Variants in CBL observed in about 807,000 individuals in gnomAD.
The protein encoded by CBL is E3 ubiquitin-protein ligase CBL.
Under a neutral mutation model 96.9 loss-of-function variants are expected in CBL, and 45 were observed. That is an observed-to-expected ratio of 0.46 (90% CI 0.37 to 0.60). The LOEUF is 0.60. Ranked by LOEUF, CBL falls within the 20% of genes least tolerant of loss-of-function variation. The pLI, the probability that CBL is intolerant of heterozygous loss-of-function variation, is 0.00. For synonymous variants in CBL, 420 were observed against 426.8 expected (o/e 0.98, Z 0.20); for missense variants, 1,024 against 1,143.5 (o/e 0.90, Z 1.51).
chr11:119,285,003 C>CACA lies in CBL; in HGVS notation c.1468_1470dup (p.Gln490dup), dbSNP rs774539129. On this transcript the variant is annotated inframe_insertion, in exon 10 of 16. Coordinates refer to ENST00000264033, the MANE Select transcript of CBL (RefSeq NM_005188.4). ...CCGCCTTCTCCATTCTCCATGGCCC[C>CACA]ACAAGCTTCCCTTCCCCCGGTGCCA... 1 of 1,614,152 alleles carries CACA rather than the reference C, an allele frequency of 6.2e-7. No homozygotes were observed. The highest frequency in any genetic ancestry group is 1.1e-5 in the South Asian group (1 of 91,082).
chr11:119,282,064 G>A (rs1949939401), intron 9 of CBL, among the ~76,000 whole-genome samples: 1 of 152,128 alleles, frequency 6.6e-6, no homozygotes, highest in Admixed American at 6.5e-5. Flanking sequence ...GCGGCCGGGT[G>A]CGGTGGCTCA....
At chr11:119,286,497 A>G (rs1949985463) in intron 11 of CBL, among the ~76,000 whole-genome samples, 1 of 152,202 alleles carries the variant, frequency 6.6e-6, no homozygotes, top group East Asian at 1.9e-4. Context: ...TTTCTTTGGA[A>G]AGTGGATACG....
Position 119,278,529 on chromosome 11 carries a change from G to C in CBL, c.1247G>C (p.Cys416Ser), listed in dbSNP as rs757456261. ...TSWQESEGQG[C>S]PFCRCEIKGT... is the part of the protein sequence containing the mutation. ...CTGCAGGAATCAGAAGGTCAGGGCT[G>C]TCCTTTCTGCCGATGTGAAATTAAA... The change falls in exon 9 of 16, where the codon TGT (cysteine) becomes TCT (serine). Residue 416 changes from cysteine (C) to serine (S), a missense_variant. This residue lies in a region of CBL where 695 missense variants were observed against 661.6 expected (regional missense o/e 1.05). Coordinates refer to ENST00000264033, the MANE Select transcript of CBL (RefSeq NM_005188.4). 1.2e-6 allele frequency: 2 copies of C among 1,614,138 alleles called. No homozygotes were observed. Among genetic ancestry groups the C allele is most frequent in the Non-Finnish European group, 1.7e-6 (2 of 1,179,998 alleles).
Position 119,302,879 on chromosome 11 carries a change from A to G in CBL, c.*3098A>G, listed in dbSNP as rs1233223514. ...CTCTTCCACTTGCTCGTCTCCCCCC[A>G]GCCCCATTCTGCATAATCTACCATT... On this transcript the variant is annotated 3_prime_UTR_variant, in exon 16 of 16. Transcript: ENST00000264033. The G allele has an allele frequency of 4.3e-6, 1 of 230,692 alleles. No individual in the cohort carries two copies. Among genetic ancestry groups the G allele is most frequent in the Non-Finnish European group, 8.6e-6 (1 of 116,598 alleles). The allele number at this position is 230,692 out of a possible 1,614,324, so 14.3% of individuals were successfully genotyped here.
At chr11:119,211,869 C>T (rs937071860) in intron 1 of CBL, among the ~76,000 whole-genome samples, 2 of 152,038 alleles carry the variant, frequency 1.3e-5, no homozygotes, top group Non-Finnish European at 2.9e-5. Flanking sequence ...TTAATTTGCC[C>T]ACTCCTGAAG....
chr11:119,276,223 A>G, intron 6 of CBL, 89 bp downstream of exon 6: 1 of 1,306,830 alleles, frequency 7.7e-7, no homozygotes, highest in Non-Finnish European at 1.1e-6. Flanking sequence ...CAGGTTTCTT[A>G]AACTGCAGAC....
rs1179605867 is a variant in CBL, at chr11:119,300,785, C to T, written c.*1004C>T. The T allele has an allele frequency of 2.6e-6, 1 of 385,640 alleles. No homozygotes were observed. Among genetic ancestry groups the T allele is most frequent in the Non-Finnish European group, 4.6e-6 (1 of 218,112 alleles). The allele number at this position is 385,640 out of a possible 1,614,324, so 23.9% of individuals were successfully genotyped here. A position where few individuals can be genotyped will look rare whatever the true frequency, so the allele number is the denominator to read the frequency against. ...CTGATGTAGGTCATGAGTCTTTCTA[C>T]TTAATGGGAAGGGAAGAACATTTGT... On this transcript the variant is annotated 3_prime_UTR_variant, in exon 16 of 16. Coordinates refer to ENST00000264033, the MANE Select transcript of CBL (RefSeq NM_005188.4).
At chr11:119,238,683 T>G (rs1280644916) in intron 2 of CBL, among the ~76,000 whole-genome samples, 1 of 151,980 alleles carries the variant, frequency 6.6e-6, no homozygotes, top group African/African-American at 2.4e-5. Flanking sequence ...TACAAAAAAT[T>G]AGCCAGGTGT....
chr11:119,253,415 C>T (rs376511066), intron 2 of CBL, among the ~76,000 whole-genome samples: 3 of 134,206 alleles, frequency 2.2e-5, no homozygotes, highest in Non-Finnish European at 3.1e-5. Context: ...CCCAGGAGTT[C>T]GATCCAGCCT....
intron 1 of CBL, among the ~76,000 whole-genome samples, chr11:119,214,135 G>A (rs11217187): frequency 0.031 from 4,716 of 152,024 alleles, 259 homozygotes; most frequent in African/African-American, 0.11. Context: ...AGTAGAGACA[G>A]GGTTTCACTA....
At chr11:119,276,467 C>A (rs1041923366) in intron 6 of CBL, among the ~76,000 whole-genome samples, 1 of 152,192 alleles carries the variant, frequency 6.6e-6, no homozygotes, top group Admixed American at 6.5e-5. Flanking sequence ...AACTAGTCGG[C>A]ATTCAAGTGA....
chr11:119,272,810 A>G (rs980745287), intron 3 of CBL, among the ~76,000 whole-genome samples: 2 of 151,964 alleles, frequency 1.3e-5, no homozygotes, highest in African/African-American at 4.8e-5. Flanking sequence ...TTCTGTTATT[A>G]TAGGTTACTA....
intron 2 of CBL, among the ~76,000 whole-genome samples, chr11:119,256,228 G>C (rs147048233): frequency 0.02 from 2,932 of 145,922 alleles, 45 homozygotes; most frequent in South Asian, 0.03. Context: ...GTCTCGCTCT[G>C]TCGCCCAGGT....
intron 11 of CBL, among the ~76,000 whole-genome samples, chr11:119,285,861 A>G (rs1949981264): frequency 6.6e-6 from 1 of 151,998 alleles, no homozygotes. Context: ...GCGCCACTGC[A>G]CTCCAGCCTA....
chr11:119,206,549 C>G lies in CBL; in HGVS notation c.132C>G (p.Ser44Arg). 1 of 1,550,644 alleles carries G rather than the reference C, an allele frequency of 6.4e-7. No individual in the cohort carries two copies. The change falls in exon 1 of 16, where the codon AGC becomes AGG. Residue 44 changes from serine (S) to arginine (R), a missense_variant. Physicochemically the swap from Ser to Arg is moderately radical, Grantham distance 110. Transcript: ENST00000264033. ...ACCACCACCACCACCACCACCTCAG[C>G]CCCCACCCGCCGGGGACGGTGGACA... Reference protein sequence around the residue: ...QPHHHHHHHLSPHPPGTVDKK... With the variant: ...QPHHHHHHHLRPHPPGTVDKK...
At chr11:119,275,973 GCTT>G (rs1248932261) in intron 5 of CBL, 21 bp from the exon 6 acceptor site, 1 of 1,613,066 alleles carries the variant, frequency 6.2e-7, no homozygotes, top group East Asian at 2.2e-5. Flanking sequence ...ATCTACTAAA[GCTT>G]CTGTTTATGT....
intron 11 of CBL, among the ~76,000 whole-genome samples, chr11:119,286,042 C>G (rs1432937563): frequency 6.6e-6 from 1 of 152,072 alleles, no homozygotes; most frequent in Non-Finnish European, 1.5e-5. Context: ...CTCACACCTG[C>G]AATCACAGCA....
chr11:119,261,166 G>A (rs1949751141), intron 2 of CBL, among the ~76,000 whole-genome samples: 1 of 151,626 alleles, frequency 6.6e-6, no homozygotes, highest in African/African-American at 2.4e-5. Context: ...CGTCTGCCTT[G>A]GCCTCCCAAA....
At chr11:119,258,410 C>T (rs1041487339) in intron 2 of CBL, among the ~76,000 whole-genome samples, 9 of 152,096 alleles carry the variant, frequency 5.9e-5, no homozygotes, top group African/African-American at 2.2e-4. Flanking sequence ...ATGGCCCGAG[C>T]AGGAGGAAGA....
Sources: allele counts gnomAD v4.1 joint callset (sites outside exome capture counted in the v4.1 genomes callset), GRCh38; gene constraint gnomAD v4.1.1; regional missense constraint gnomAD v4.1.1; transcripts MANE v1.5; gene names NCBI Gene and HGNC (gene_info 2026-07-23, HGNC 2026-07-21).